Variants in LPCAT1 observed in about 807,000 individuals in gnomAD.
LPCAT1 encodes the protein 1-acylglycerol-3-phosphate O-acyltransferase.
In LPCAT1, 23 loss-of-function variants were observed where a neutral mutation model predicts 60.9. The observed-to-expected ratio is 0.38, with a 90% CI of 0.27 to 0.53. The LOEUF is 0.53. LPCAT1 is among the 20% of genes least tolerant of loss of function. The pLI is 0.82. For synonymous variants in LPCAT1, 340 were observed against 301.1 expected, an observed-to-expected ratio of 1.13 and a Z score of -1.34; for missense variants, 622 against 723.6, an observed-to-expected ratio of 0.86 and a Z score of 1.61.
intron 3 of LPCAT1, 35 bp from the exon 4 acceptor site, chr5:1,489,893 T>G (rs762061196): frequency 6.8e-7 from 1 of 1,471,000 alleles, no homozygotes; most frequent in Non-Finnish European, 9.5e-7. Flanking sequence ...TCACGTGGAA[T>G]GCACGGCTCC....
At chr5:1,475,842 G>GA (rs2126507491) in intron 9 of LPCAT1, among the ~76,000 whole-genome samples, 3 of 98,776 alleles carry the variant, frequency 3.0e-5, no homozygotes, top group African/African-American at 1.1e-4. Flanking sequence ...CCAGGAGTCC[G>GA]AGGCTGCTTC....
chr5:1,512,955 T>C (rs981489185), intron 1 of LPCAT1, among the ~76,000 whole-genome samples: 2 of 152,156 alleles, frequency 1.3e-5, no homozygotes, highest in African/African-American at 4.8e-5. Context: ...CGTGTAAAGA[T>C]GGCACGCGCC....
At chr5:1,509,202 C>T (rs775798999) in intron 1 of LPCAT1, among the ~76,000 whole-genome samples, 2 of 152,264 alleles carry the variant, frequency 1.3e-5, no homozygotes, top group Non-Finnish European at 2.9e-5. Flanking sequence ...CCCGCACAGG[C>T]GGCCGGGGCA....
rs1314127268 is a variant in LPCAT1, at chr5:1,463,418, C to T, written c.*233G>A. On this transcript the variant is annotated 3_prime_UTR_variant, in exon 14 of 14. Transcript: ENST00000283415. Reference sequence around the variant, plus strand: ...GGAACCTGACCCCACGGGGTCCAGGCCAGGCGGGGGATCCGCGTGCGCGCC... The same window carrying T: ...GGAACCTGACCCCACGGGGTCCAGGTCAGGCGGGGGATCCGCGTGCGCGCC... 1.8e-6 allele frequency: 1 copy of T among 544,712 alleles called. No homozygotes were observed. The highest frequency in any genetic ancestry group is 1.9e-5 in the African/African-American group (1 of 51,936). The allele number at this position is 544,712 out of a possible 1,614,324, so 33.7% of individuals were successfully genotyped here.
At chr5:1,465,707 C>A (rs921662528) in intron 13 of LPCAT1, among the ~76,000 whole-genome samples, 25 of 152,112 alleles carry the variant, frequency 1.6e-4, no homozygotes, top group African/African-American at 5.6e-4. Context: ...CGCACACACA[C>A]AACACACATG....
chr5:1,496,256 G>T lies in LPCAT1; in HGVS notation c.279-1342C>A, dbSNP rs769937578. The stretch of plus-strand genomic sequence containing the variant: ...GGCGTCTGTAATCCCAGCCACTCAG[G>T]AGGCTGAGGCAGGAGAACTGCTTGA... On this transcript the variant is annotated intron_variant, in intron 2 of 13. Coordinates refer to ENST00000283415, the MANE Select transcript of LPCAT1 (RefSeq NM_024830.5). This position sits in a 1 kb window ranked among gnomAD's most constrained non-coding sequence, Gnocchi z 4.7. 5.9e-5 allele frequency among the ~76,000 whole-genome samples: 9 copies of T among 152,116 alleles called. No homozygotes were observed. Among genetic ancestry groups the T allele is most frequent in the Non-Finnish European group, 1.2e-4 (8 of 68,022 alleles).
chr5:1,501,333 G>C (rs57322040), intron 2 of LPCAT1, 128 bp downstream of exon 2: 59,514 of 1,305,828 alleles, frequency 0.046, 2,183 homozygotes, highest in East Asian at 0.19. Context: ...CCTGGTGGAC[G>C]CTGGGCTCAG....
intron 5 of LPCAT1, among the ~76,000 whole-genome samples, chr5:1,485,471 C>T (rs555274110): frequency 2.4e-4 from 36 of 152,288 alleles, no homozygotes; most frequent in African/African-American, 7.5e-4. Flanking sequence ...GGAGGAGGTA[C>T]GGGCTTCTAA....
chr5:1,520,236 G>A (rs1161825784), intron 1 of LPCAT1, among the ~76,000 whole-genome samples: 1 of 152,270 alleles, frequency 6.6e-6, no homozygotes, highest in Non-Finnish European at 1.5e-5. Flanking sequence ...GAGCGAGGCT[G>A]AGAGGGCGGA....
At chr5:1,508,638 C>A (rs1736257615) in intron 1 of LPCAT1, among the ~76,000 whole-genome samples, 2 of 152,210 alleles carry the variant, frequency 1.3e-5, no homozygotes, top group Non-Finnish European at 1.5e-5. Flanking sequence ...ATCTGAGGCA[C>A]TTTATTATGG....
chr5:1,497,124 C>T (rs966224404), intron 2 of LPCAT1, among the ~76,000 whole-genome samples: 1 of 152,212 alleles, frequency 6.6e-6, no homozygotes, highest in Non-Finnish European at 1.5e-5. Flanking sequence ...AAAACATCCA[C>T]CACGCTCGCC....
chr5:1,490,427 G>A (rs1249796908), intron 3 of LPCAT1, among the ~76,000 whole-genome samples: 1 of 152,236 alleles, frequency 6.6e-6, no homozygotes, highest in African/African-American at 2.4e-5. Flanking sequence ...ATGGGAAGAG[G>A]AGACGAAGAG....
intron 1 of LPCAT1, among the ~76,000 whole-genome samples, chr5:1,511,873 G>C (rs1736365983): frequency 6.6e-6 from 1 of 152,204 alleles, no homozygotes; most frequent in African/African-American, 2.4e-5. Context: ...CCTCCTGCTT[G>C]CCACTCAGCC....
In LPCAT1 at chr5:1,483,444, C is replaced by T. The variant is rs200841903; in HGVS notation, c.710G>A (p.Arg237Gln). Residue 237 changes from arginine (R) to glutamine (Q), a missense_variant, in exon 6 of 14, where the codon CGA becomes CAA. This residue lies in a region of LPCAT1 where 209 missense variants were observed against 325.5 expected (regional missense o/e 0.64). Coordinates refer to ENST00000283415, the MANE Select transcript of LPCAT1 (RefSeq NM_024830.5). The surrounding 1 kb of genome is among the most constrained non-coding windows in gnomAD (Gnocchi z 9.2). ...ACAACTCACCAGTTTATTTGGATAT[C>T]GTAAAACCACAGGCTGGACGGGCGC... ...PGAPVQPVVL[R>Q]YPNKLDTITW... is the part of the protein sequence containing the mutation. 1.5e-5 allele frequency: 24 copies of T among 1,613,796 alleles called. No individual in the cohort carries two copies. The highest frequency in any genetic ancestry group is 2.7e-5 in the African/African-American group (2 of 75,056).
rs1044749229 is a variant in LPCAT1, at chr5:1,523,417, G to C, written c.135+293C>G. 2.2e-4 allele frequency among the ~76,000 whole-genome samples: 33 copies of C among 151,780 alleles called. No homozygotes were observed. The highest frequency in any genetic ancestry group is 8.0e-4 in the African/African-American group (33 of 41,392). ...GGCCCGGTTCAGGGTGCAGGGGTCT[G>C]GGGGGAGGAGCAGAACGCGGGGCGG... On this transcript the variant is annotated intron_variant, in intron 1 of 13. Coordinates refer to ENST00000283415, the MANE Select transcript of LPCAT1 (RefSeq NM_024830.5). The surrounding 1 kb of genome is among the most constrained non-coding windows in gnomAD (Gnocchi z 7.1).
At position 1,502,266 on chromosome 5, in the gene LPCAT1, C is replaced by G. The variant is rs28419764; in HGVS notation, c.136-663G>C. Among the ~76,000 whole-genome samples the G allele has an allele frequency of 0.41, 62,584 of 151,978 alleles. 15,298 individuals carry two copies. The highest frequency in any genetic ancestry group is 0.69 in the African/African-American group (28,561 of 41,428). On this transcript the variant is annotated intron_variant, in intron 1 of 13. Coordinates refer to ENST00000283415, the MANE Select transcript of LPCAT1 (RefSeq NM_024830.5). The surrounding 1 kb of genome is among the most constrained non-coding windows in gnomAD (Gnocchi z 5.5). ...ACGCACCCCCAGGCAGCTCCGCCCC[C>G]CAGGACACACCCCCAGCCCCGCAGG...
At chr5:1,505,479 C>T (rs1296848954) in intron 1 of LPCAT1, among the ~76,000 whole-genome samples, 2 of 152,274 alleles carry the variant, frequency 1.3e-5, no homozygotes, top group Admixed American at 6.5e-5. Flanking sequence ...GGAACAGCTC[C>T]GGGGCTGGGG....
intron 1 of LPCAT1, among the ~76,000 whole-genome samples, chr5:1,512,963 G>A (rs1294563778): frequency 1.3e-5 from 2 of 152,228 alleles, no homozygotes; most frequent in Admixed American, 6.5e-5. Context: ...GATGGCACGC[G>A]CCGGCATCCT....
intron 3 of LPCAT1, among the ~76,000 whole-genome samples, chr5:1,492,980 C>G (rs374407444): frequency 6.6e-6 from 1 of 152,248 alleles, no homozygotes; most frequent in Non-Finnish European, 1.5e-5. Flanking sequence ...AATGTGGTTT[C>G]CTGGGTATGC....
Sources: gnomAD v4.1 joint callset for allele counts (sites outside exome capture counted in the v4.1 genomes callset) on GRCh38, gnomAD v4.1.1 for gene constraint, gnomAD v4.1.1 regional missense constraint, Gnocchi (gnomAD v3.1) non-coding constraint, MANE v1.5 for transcripts, NCBI Gene and HGNC (gene_info 2026-07-23, HGNC 2026-07-21) for gene names.